The following SNX29 variants were observed in gnomAD, a reference collection of about 807,000 sequenced individuals.
The protein encoded by SNX29 is sorting nexin 29, also known as sorting nexin-29.
SNX29 carries 78 observed loss-of-function variants against 102.1 expected under a neutral mutation model. The observed-to-expected ratio is 0.76, with a 90% CI of 0.64 to 0.92. SNX29 has a LOEUF of 0.92. SNX29 is among the 40% of genes least tolerant of loss of function. The pLI is 0.00. For missense variants in SNX29, 1,280 were observed against 1,061.7 expected, an observed-to-expected ratio of 1.21 and a Z score of -2.86; for synonymous variants, 580 against 414.5, an observed-to-expected ratio of 1.40 and a Z score of -4.85.
intron 20 of SNX29, among the ~76,000 whole-genome samples, chr16:12,562,837 C>A (rs146129696): frequency 6.6e-6 from 1 of 152,178 alleles, no homozygotes; most frequent in African/African-American, 2.4e-5. Context: ...TAGCATTCCC[C>A]TATAGGCAAC....
At chr16:12,197,049 G>A (rs2076793625) in intron 13 of SNX29, among the ~76,000 whole-genome samples, 3 of 152,210 alleles carry the variant, frequency 2.0e-5, no homozygotes, top group African/African-American at 7.2e-5. Context: ...CTGAGGATCG[G>A]CCCGACGGCT....
chr16:12,422,194 C>T (rs1018928403), intron 18 of SNX29, among the ~76,000 whole-genome samples: 1 of 152,232 alleles, frequency 6.6e-6, no homozygotes, highest in African/African-American at 2.4e-5. Context: ...TTTGCAGCTT[C>T]CTCTGCCACT....
At chr16:12,233,673 G>C (rs1489717969) in intron 14 of SNX29, among the ~76,000 whole-genome samples, 2 of 152,136 alleles carry the variant, frequency 1.3e-5, no homozygotes, top group African/African-American at 4.8e-5. Flanking sequence ...ATGATTTAAT[G>C]ATTTTTAGTA....
chr16:12,573,599 T>C lies in SNX29; in HGVS notation c.*4970T>C, dbSNP rs1287716095. 3 of 221,516 alleles carry C rather than the reference T, an allele frequency of 1.4e-5. No homozygotes were observed. Among genetic ancestry groups the C allele is most frequent in the Non-Finnish European group, 2.7e-5 (3 of 110,680 alleles). 13.7% of individuals were successfully genotyped at this position (221,516 alleles called of 1,614,324 possible). ...CAGGCTTCCCCCACTTCCCCTCAAA[T>C]TTTCTCAGCTCTGCCGCTGGTCTCC... On this transcript the variant is annotated 3_prime_UTR_variant, in exon 21 of 21. Coordinates refer to ENST00000566228, the MANE Select transcript of SNX29 (RefSeq NM_032167.5).
intron 18 of SNX29, among the ~76,000 whole-genome samples, chr16:12,406,867 C>T (rs2084186938): frequency 6.6e-6 from 1 of 152,200 alleles, no homozygotes; most frequent in Admixed American, 6.5e-5. Flanking sequence ...TGAGATCGCG[C>T]CACTACACTC....
chr16:12,389,471 A>G (rs1323464584), intron 16 of SNX29, among the ~76,000 whole-genome samples: 1 of 152,148 alleles, frequency 6.6e-6, no homozygotes, highest in African/African-American at 2.4e-5. Flanking sequence ...CCTGCCTGCC[A>G]CCATGTAAGA....
chr16:12,140,262 C>T (rs1456695137), intron 13 of SNX29, among the ~76,000 whole-genome samples: 3 of 152,184 alleles, frequency 2.0e-5, no homozygotes, highest in Non-Finnish European at 4.4e-5. Flanking sequence ...GACAAGAGGG[C>T]CCCCAGGGGC....
chr16:12,468,668 G>C (rs1412445339), intron 18 of SNX29, among the ~76,000 whole-genome samples: 2 of 152,204 alleles, frequency 1.3e-5, no homozygotes, highest in South Asian at 2.1e-4. Flanking sequence ...GATCCTGCCT[G>C]GTTTTGTTCT....
At chr16:12,070,183 C>CT (rs887058277) in intron 10 of SNX29, among the ~76,000 whole-genome samples, 255 of 150,700 alleles carry the variant, frequency 1.7e-3, no homozygotes, top group East Asian at 4.7e-3. Flanking sequence ...TTGTTGGATG[C>CT]TTTTTTTTTA....
chr16:12,186,999 G>C (rs1026974095), intron 13 of SNX29, among the ~76,000 whole-genome samples: 1 of 152,210 alleles, frequency 6.6e-6, no homozygotes, highest in Non-Finnish European at 1.5e-5. Flanking sequence ...TTTGGCACTT[G>C]AGATGTTTGA....
chr16:12,491,918 C>T (rs539577006), intron 19 of SNX29, among the ~76,000 whole-genome samples: 1 of 152,270 alleles, frequency 6.6e-6, no homozygotes, highest in African/African-American at 2.4e-5. Flanking sequence ...TTTTCTTAAT[C>T]CAGTCTATCG....
At chr16:12,326,666 C>T (rs1415295033) in intron 15 of SNX29, among the ~76,000 whole-genome samples, 1 of 152,160 alleles carries the variant, frequency 6.6e-6, no homozygotes, top group African/African-American at 2.4e-5. Context: ...AGTCTGGAAT[C>T]TGGTGACCTA....
chr16:12,458,776 G>A lies in SNX29; in HGVS notation c.2038-18943G>A, dbSNP rs532512887. ...CTCCCCTTCTCTTCCTGCACACGCC[G>A]CACACATGCGCAGAGGCAGGCTCTG... On this transcript the variant is annotated intron_variant, in intron 18 of 20. Transcript: ENST00000566228. Among the ~76,000 whole-genome samples the A allele has an allele frequency of 1.2e-4, 18 of 152,194 alleles. No individual in the cohort carries two copies. The South Asian group carries it at 3.3e-3, about 28-fold the overall frequency.
chr16:12,262,015 G>A (rs1348164792), intron 14 of SNX29, among the ~76,000 whole-genome samples: 1 of 140,356 alleles, frequency 7.1e-6, no homozygotes, highest in African/African-American at 2.7e-5. Flanking sequence ...GTGAGTGTTT[G>A]CTGAGCTCGG....
In SNX29 at chr16:12,003,052, G is replaced by A; in HGVS notation, c.122+9G>A. ...TCGGATTCCGACAGCAGGTAAATAT[G>A]TCACTTCTAAAACCGTTGACCATCG... is the stretch of plus-strand genomic sequence containing the variant. On this transcript the variant is annotated intron_variant, in intron 3 of 20. Transcript: ENST00000566228. 1 of 1,614,140 alleles carries A rather than the reference G, an allele frequency of 6.2e-7. No homozygotes were observed. The highest frequency in any genetic ancestry group is 8.5e-7 in the Non-Finnish European group (1 of 1,180,002).
chr16:12,378,713 G>C (rs978001095), intron 16 of SNX29, among the ~76,000 whole-genome samples: 1 of 152,162 alleles, frequency 6.6e-6, no homozygotes, highest in Non-Finnish European at 1.5e-5. Flanking sequence ...ATAGCAGCAA[G>C]TGTCAGCTTC....
Position 11,976,804 on chromosome 16 carries a change from A to T in SNX29, c.-3A>T. 7.2e-7 allele frequency: 1 copy of T among 1,381,128 alleles called. No homozygotes were observed. Among genetic ancestry groups the T allele is most frequent in the Non-Finnish European group, 9.4e-7 (1 of 1,066,978 alleles). 85.6% of individuals were successfully genotyped at this position (1,381,128 alleles called of 1,614,324 possible). A position where few individuals can be genotyped will look rare whatever the true frequency, so the allele number is the denominator to read the frequency against. On this transcript the variant is annotated 5_prime_UTR_variant, in exon 1 of 21. Transcript: ENST00000566228. ...CGCAGGCACCGGCCCGGGGAGAGGC[A>T]CCATGAGCGGTGAGTGGCGGCCCCG...
chr16:12,321,472 G>C (rs893803772), intron 15 of SNX29, among the ~76,000 whole-genome samples: 8 of 152,192 alleles, frequency 5.3e-5, no homozygotes, highest in African/African-American at 1.9e-4. Context: ...CCTGTGTCAA[G>C]GGCATATGAC....
chr16:12,118,019 C>T (rs567810612), intron 11 of SNX29, among the ~76,000 whole-genome samples: 2 of 152,036 alleles, frequency 1.3e-5, no homozygotes, highest in South Asian at 2.1e-4. Context: ...ATTGCTTCAA[C>T]ACGGGAGGCG....
Sources: gnomAD v4.1 joint callset for allele counts (sites outside exome capture counted in the v4.1 genomes callset) on GRCh38, gnomAD v4.1.1 for gene constraint, MANE v1.5 for transcripts, NCBI Gene and HGNC (gene_info 2026-07-23, HGNC 2026-07-21) for gene names.